Variants in SLC39A11 observed in about 807,000 individuals in gnomAD.
SLC39A11 encodes zinc transporter ZIP11.
Under a neutral mutation model 36.1 loss-of-function variants are expected in SLC39A11, and 33 were observed. The observed-to-expected ratio is 0.91, with a 90% CI of 0.69 to 1.22. The LOEUF (loss-of-function observed/expected upper bound fraction) is 1.22. SLC39A11 is among the 50% of genes most tolerant of loss of function. The pLI is 0.00. For synonymous variants in SLC39A11, 166 were observed against 170.3 expected (o/e 0.97, Z 0.20); for missense variants, 432 against 430.3 (o/e 1.00, Z -0.03).
At chr17:73,003,799 C>A (rs896496036) in intron 4 of SLC39A11, among the ~76,000 whole-genome samples, 1 of 151,980 alleles carries the variant, frequency 6.6e-6, no homozygotes, top group Admixed American at 6.6e-5. Context: ...CTATAAAATG[C>A]CACAGGCCAG....
At chr17:73,031,939 G>A (rs913756463) in intron 3 of SLC39A11, among the ~76,000 whole-genome samples, 1 of 152,254 alleles carries the variant, frequency 6.6e-6, no homozygotes, top group Middle Eastern at 3.4e-3. Context: ...AGTTGACCTT[G>A]GGAGGATGCA....
intron 4 of SLC39A11, among the ~76,000 whole-genome samples, chr17:73,028,809 T>TA (rs59124161): frequency 0.078 from 10,995 of 141,496 alleles, 430 homozygotes; most frequent in East Asian, 0.11. Context: ...CCAAAAGGTT[T>TA]AAAAAAAAAA....
chr17:72,999,190 T>C (rs1440433352), intron 4 of SLC39A11, among the ~76,000 whole-genome samples: 2 of 152,238 alleles, frequency 1.3e-5, no homozygotes, highest in African/African-American at 4.8e-5. Context: ...CATAGGTTCC[T>C]AGCGCAACAC....
intron 6 of SLC39A11, among the ~76,000 whole-genome samples, chr17:72,809,098 T>C (rs186463625): frequency 6.6e-6 from 1 of 152,324 alleles, no homozygotes; most frequent in Admixed American, 6.5e-5. Flanking sequence ...TTCTCTAAGA[T>C]CCTGCAGCAG....
intron 4 of SLC39A11, among the ~76,000 whole-genome samples, chr17:72,963,233 C>G (rs1229072818): frequency 7.6e-6 from 1 of 131,604 alleles, no homozygotes; most frequent in Non-Finnish European, 1.5e-5. Flanking sequence ...TGCAGTGGTG[C>G]GATCCCAGCT....
At position 72,879,816 on chromosome 17, in the gene SLC39A11, A is replaced by G. The variant is rs370013624; in HGVS notation, c.431-30012T>C. Among the ~76,000 whole-genome samples, 43 of 152,334 alleles carry G rather than the reference A, an allele frequency of 2.8e-4. 5 individuals are homozygous for G. The highest frequency in any genetic ancestry group is 2.1e-3 in the Admixed American group (32 of 15,310). On this transcript the variant is annotated intron_variant, in intron 5 of 9. Coordinates refer to ENST00000255559, the MANE Select transcript of SLC39A11 (RefSeq NM_139177.4). ...CAAGAATTGCTTCAGGAATTCAGAAATTCCAGTGAAACTGGCAAATGCCAC... is the reference window on the plus strand; with the variant it reads ...CAAGAATTGCTTCAGGAATTCAGAAGTTCCAGTGAAACTGGCAAATGCCAC...
chr17:72,724,106 T>TA (rs201767518), intron 7 of SLC39A11, among the ~76,000 whole-genome samples: 5,064 of 152,148 alleles, frequency 0.033, 111 homozygotes, highest in Non-Finnish European at 0.051. Flanking sequence ...CCCTTTTATT[T>TA]TTTTTTTTCT....
intron 4 of SLC39A11, among the ~76,000 whole-genome samples, chr17:72,961,175 C>G (rs1376298095): frequency 6.6e-6 from 1 of 152,092 alleles, no homozygotes; most frequent in Non-Finnish European, 1.5e-5. Flanking sequence ...ATGGATAAGG[C>G]TGGAAAGAAA....
chr17:73,006,832 G>A (rs373078132), intron 4 of SLC39A11, among the ~76,000 whole-genome samples: 2 of 152,206 alleles, frequency 1.3e-5, no homozygotes, highest in African/African-American at 2.4e-5. Context: ...CGTTTATTGC[G>A]GCGGGAGTTG....
intron 7 of SLC39A11, among the ~76,000 whole-genome samples, chr17:72,681,466 C>A (rs2071506158): frequency 6.6e-6 from 1 of 152,140 alleles, no homozygotes; most frequent in South Asian, 2.1e-4. Context: ...AGGAGAGAGA[C>A]CAGTGGAGGC....
intron 3 of SLC39A11, among the ~76,000 whole-genome samples, chr17:73,076,528 G>C (rs778963586): frequency 2.0e-5 from 3 of 152,172 alleles, no homozygotes; most frequent in African/African-American, 7.2e-5. Flanking sequence ...GTAACAGCAT[G>C]CTACAGTGCT....
chr17:72,676,039 C>G (rs1010727862), intron 7 of SLC39A11, among the ~76,000 whole-genome samples: 27 of 150,184 alleles, frequency 1.8e-4, no homozygotes, highest in South Asian at 6.4e-4. Flanking sequence ...GGGTTACAAG[C>G]CCTTGTCACT....
intron 3 of SLC39A11, among the ~76,000 whole-genome samples, chr17:73,041,009 CAAAAAAA>C (rs201482199): frequency 7.1e-6 from 1 of 140,124 alleles, no homozygotes; most frequent in Non-Finnish European, 1.6e-5. Context: ...AAACAAAAAA[CAAAAAAA>C]AAAAACAGTA....
At chr17:72,931,196 G>T (rs1313215029) in intron 5 of SLC39A11, among the ~76,000 whole-genome samples, 3 of 152,196 alleles carry the variant, frequency 2.0e-5, no homozygotes, top group Non-Finnish European at 4.4e-5. Context: ...CTGCAAAGGA[G>T]TGAGTGAAAG....
At chr17:72,681,348 TG>T (rs2071500714) in intron 7 of SLC39A11, among the ~76,000 whole-genome samples, 1 of 152,138 alleles carries the variant, frequency 6.6e-6, no homozygotes, top group Non-Finnish European at 1.5e-5. Flanking sequence ...CTAGAGGCCA[TG>T]TAAGTGAGGA....
intron 3 of SLC39A11, among the ~76,000 whole-genome samples, chr17:73,069,548 C>G (rs2060097622): frequency 6.6e-6 from 1 of 152,134 alleles, no homozygotes; most frequent in African/African-American, 2.4e-5. Flanking sequence ...TTACACAGGC[C>G]CTTGACAAAG....
intron 6 of SLC39A11, among the ~76,000 whole-genome samples, chr17:72,847,643 G>A (rs2079113112): frequency 6.6e-6 from 1 of 151,978 alleles, no homozygotes; most frequent in African/African-American, 2.4e-5. Flanking sequence ...AGTGCTTTCG[G>A]CAGATTTAAT....
intron 3 of SLC39A11, among the ~76,000 whole-genome samples, chr17:73,068,523 C>T (rs1431087470): frequency 1.3e-5 from 2 of 152,128 alleles, no homozygotes; most frequent in African/African-American, 4.8e-5. Flanking sequence ...TGTAAGTAAG[C>T]CTAAGAGACC....
At chr17:72,991,980 T>A (rs1489805799) in intron 4 of SLC39A11, among the ~76,000 whole-genome samples, 1 of 152,238 alleles carries the variant, frequency 6.6e-6, no homozygotes, top group African/African-American at 2.4e-5. Flanking sequence ...TTCCTATTTA[T>A]CAAAAATCTC....
Sources: gnomAD v4.1 joint callset for allele counts (sites outside exome capture counted in the v4.1 genomes callset) on GRCh38, gnomAD v4.1.1 for gene constraint, MANE v1.5 for transcripts, NCBI Gene and HGNC (gene_info 2026-07-23, HGNC 2026-07-21) for gene names.